The following GPR158 variants were observed in gnomAD, a reference collection of about 807,000 sequenced individuals.
GPR158 encodes metabotropic glycine receptor.
A neutral mutation model predicts 78.2 loss-of-function variants in GPR158; 30 were observed. That is an observed-to-expected ratio of 0.38 (90% CI 0.29 to 0.52). GPR158 has a LOEUF of 0.52. GPR158 is among the 20% of genes least tolerant of loss of function. GPR158 has a pLI of 0.83. For synonymous variants in GPR158, 581 were observed against 591.1 expected, an observed-to-expected ratio of 0.98 and a Z score of 0.25; for missense variants, 1,463 against 1,523.5, an observed-to-expected ratio of 0.96 and a Z score of 0.66.
intron 5 of GPR158, among the ~76,000 whole-genome samples, chr10:25,534,148 CT>C (rs1836460653): frequency 2.6e-5 from 4 of 152,134 alleles, no homozygotes; most frequent in Admixed American, 2.6e-4. Flanking sequence ...TTGGCACATG[CT>C]TTTCTTCTCT....
intron 5 of GPR158, chr10:25,476,032 A>T (rs1373493669): frequency 2.0e-5 from 3 of 152,136 alleles, no homozygotes; most frequent in Admixed American, 2.0e-4. Flanking sequence ...CAAATTAGAG[A>T]TTATCATCAT....
intron 2 of GPR158, among the ~76,000 whole-genome samples, chr10:25,311,788 T>C (rs1033443438): frequency 7.2e-5 from 11 of 151,872 alleles, no homozygotes; most frequent in African/African-American, 2.4e-4. Context: ...TCATTAATTT[T>C]TTTAAAAGGA....
intron 2 of GPR158, among the ~76,000 whole-genome samples, chr10:25,301,132 T>C (rs1854587505): frequency 1.3e-5 from 2 of 152,178 alleles, no homozygotes; most frequent in Non-Finnish European, 2.9e-5. Context: ...CTTCAAAATA[T>C]ATTGAGATAA....
intron 5 of GPR158, among the ~76,000 whole-genome samples, chr10:25,533,326 G>GA (rs564683826): frequency 3.3e-5 from 5 of 152,106 alleles, no homozygotes; most frequent in African/African-American, 1.2e-4. Flanking sequence ...TTAACCTTAA[G>GA]AAAAAAATCA....
chr10:25,313,287 T>C (rs1261024947), intron 2 of GPR158, among the ~76,000 whole-genome samples: 1 of 148,574 alleles, frequency 6.7e-6, no homozygotes, highest in African/African-American at 2.5e-5. Flanking sequence ...TTAGGAGATA[T>C]ACCTAATGCT....
At chr10:25,575,268 G>A (rs961839286) in intron 7 of GPR158, among the ~76,000 whole-genome samples, 1 of 152,280 alleles carries the variant, frequency 6.6e-6, no homozygotes. Flanking sequence ...GGAATTTAGA[G>A]AAGCAGAAAA....
chr10:25,423,025 C>T (rs1221063088), intron 4 of GPR158, among the ~76,000 whole-genome samples: 1 of 151,786 alleles, frequency 6.6e-6, no homozygotes, highest in Non-Finnish European at 1.5e-5. Flanking sequence ...GCTGCGAATG[C>T]CATTGTTTTA....
chr10:25,192,509 C>T (rs754474646), intron 1 of GPR158, among the ~76,000 whole-genome samples: 2 of 152,096 alleles, frequency 1.3e-5, no homozygotes, highest in Non-Finnish European at 2.9e-5. Flanking sequence ...CAAGAATTTC[C>T]ACTTTCACTT....
intron 3 of GPR158, among the ~76,000 whole-genome samples, chr10:25,403,028 G>A (rs1277185700): frequency 6.6e-6 from 1 of 151,594 alleles, no homozygotes; most frequent in East Asian, 1.9e-4. Flanking sequence ...TCAGTTTATA[G>A]TTTGTAGGCA....
chr10:25,228,191 T>G (rs1853400051), intron 2 of GPR158, among the ~76,000 whole-genome samples: 1 of 152,108 alleles, frequency 6.6e-6, no homozygotes. Flanking sequence ...AGGAAGATCT[T>G]TTGAGCCCAG....
chr10:25,279,465 C>G (rs189561900), intron 2 of GPR158, among the ~76,000 whole-genome samples: 3 of 151,932 alleles, frequency 2.0e-5, no homozygotes, highest in African/African-American at 7.2e-5. Flanking sequence ...AAGGACTGAG[C>G]CCTGAACAAA....
At chr10:25,441,377 C>A (rs1411973192) in intron 4 of GPR158, among the ~76,000 whole-genome samples, 1 of 152,156 alleles carries the variant, frequency 6.6e-6, no homozygotes, top group Non-Finnish European at 1.5e-5. Context: ...GGAGTTTGCC[C>A]TTTCTGCTTT....
At chr10:25,490,539 G>A (rs936160767) in intron 5 of GPR158, among the ~76,000 whole-genome samples, 20 of 141,454 alleles carry the variant, frequency 1.4e-4, no homozygotes, top group African/African-American at 4.8e-4. Context: ...GAGAATATGC[G>A]GTGTTTGGTT....
chr10:25,599,171 C>G lies in GPR158; in HGVS notation c.3545C>G (p.Pro1182Arg). 6.2e-7 allele frequency: 1 copy of G among 1,611,002 alleles called. No individual in the cohort carries two copies. The highest frequency in any genetic ancestry group is 8.5e-7 in the Non-Finnish European group (1 of 1,179,654). Residue 1182 changes from proline (P) to arginine (R), a missense_variant, in exon 11 of 11, where the codon CCA becomes CGA. Transcript: ENST00000376351. The stretch of plus-strand genomic sequence containing the variant: ...TGGGAGTTTGAGACCCCAGCTCAAC[C>G]AAATGCTGGAAGAAGTGTAGCTTTA... ...CPWEFETPAQ[P>R]NAGRSVALPA...
At chr10:25,565,044 A>G (rs974669827) in intron 6 of GPR158, among the ~76,000 whole-genome samples, 1 of 152,208 alleles carries the variant, frequency 6.6e-6, no homozygotes, top group Non-Finnish European at 1.5e-5. Flanking sequence ...ACAGGAGCTA[A>G]TGTTTACTCT....
At chr10:25,365,061 A>T (rs1396176358) in intron 2 of GPR158, among the ~76,000 whole-genome samples, 1 of 148,046 alleles carries the variant, frequency 6.8e-6, no homozygotes, top group African/African-American at 2.6e-5. Flanking sequence ...TATGTTAAAT[A>T]TTTATTTAAA....
intron 6 of GPR158, among the ~76,000 whole-genome samples, chr10:25,562,004 G>A (rs1209938377): frequency 6.7e-6 from 1 of 148,196 alleles, no homozygotes; most frequent in African/African-American, 2.5e-5. Flanking sequence ...GGTCTGCAAT[G>A]TTCAGGAGGA....
chr10:25,368,745 T>C (rs372588882), intron 2 of GPR158, among the ~76,000 whole-genome samples: 1,645 of 148,418 alleles, frequency 0.011, 27 homozygotes, highest in African/African-American at 0.03. Context: ...TGGCATTGAA[T>C]CTGTAAATTA....
intron 2 of GPR158, among the ~76,000 whole-genome samples, chr10:25,326,355 T>C (rs778140960): frequency 1.2e-5 from 1 of 84,752 alleles, no homozygotes; most frequent in Non-Finnish European, 2.5e-5. Flanking sequence ...TAGTCTATCA[T>C]TGTTGCTTTA....
Sources: allele counts gnomAD v4.1 joint callset (sites outside exome capture counted in the v4.1 genomes callset), GRCh38; gene constraint gnomAD v4.1.1; transcripts MANE v1.5; gene names NCBI Gene and HGNC (gene_info 2026-07-23, HGNC 2026-07-21).